Variants in SLC13A2 observed in about 807,000 individuals in gnomAD.
The protein encoded by SLC13A2 is Na(+)-coupled citrate transporter.
In SLC13A2, 40 loss-of-function variants were observed where a neutral mutation model predicts 58.5. That is an observed-to-expected ratio of 0.68 (90% CI 0.53 to 0.89). The LOEUF (loss-of-function observed/expected upper bound fraction) is 0.89, where lower values mean the gene tolerates loss of function less well. Among genes scored for constraint, SLC13A2 ranks in the 40% least tolerant of loss-of-function variants. SLC13A2 has a pLI of 0.00. For synonymous variants in SLC13A2, 341 were observed against 331.6 expected (o/e 1.03, Z -0.31); for missense variants, 694 against 772.6 (o/e 0.90, Z 1.21).
Position 28,494,573 on chromosome 17 carries a change from G to C in SLC13A2, c.1308+61G>C. 1 of 1,605,704 alleles carries C rather than the reference G, an allele frequency of 6.2e-7. No individual in the cohort carries two copies. Among genetic ancestry groups the C allele is most frequent in the Non-Finnish European group, 8.5e-7 (1 of 1,175,768 alleles). On this transcript the variant is annotated intron_variant, in intron 9 of 11. Transcript: ENST00000314669. The surrounding 1 kb of genome is among the most constrained non-coding windows in gnomAD (Gnocchi z 4.0). The stretch of plus-strand genomic sequence containing the variant: ...AGGGTGTCTCTGTGGCAGGGAGAGA[G>C]GGGGCCCTGCTTCTGTCCCACAGAG...
intron 4 of SLC13A2, 104 bp from the exon 5 acceptor site, chr17:28,491,332 TG>T: frequency 7.9e-7 from 1 of 1,261,228 alleles, no homozygotes; most frequent in Non-Finnish European, 1.1e-6. Context: ...AGCCCCGGTC[TG>T]GGCTGTTCAC....
chr17:28,489,671 C>T (rs911164680), intron 2 of SLC13A2, among the ~76,000 whole-genome samples: 19 of 152,218 alleles, frequency 1.2e-4, no homozygotes, highest in Non-Finnish European at 1.5e-5. Context: ...ACTTGAACAG[C>T]ATCGGAGTCA....
At chr17:28,495,363 G>A (rs1430682478) in intron 9 of SLC13A2, among the ~76,000 whole-genome samples, 5 of 152,184 alleles carry the variant, frequency 3.3e-5, no homozygotes, top group Non-Finnish European at 7.4e-5. Flanking sequence ...AGGAAGGCAG[G>A]AGTCAGTGCG....
At position 28,489,295 on chromosome 17, in the gene SLC13A2, T is replaced by C; in HGVS notation, c.184T>C (p.Phe62Leu). The C allele has an allele frequency of 1.2e-6, 2 of 1,614,114 alleles. No homozygotes were observed. Among genetic ancestry groups the C allele is most frequent in the Admixed American group, 1.7e-5 (1 of 60,024 alleles). The change falls in exon 2 of 12, where the codon TTC becomes CTC. Residue 62 changes from phenylalanine to leucine, a missense_variant. Phe to Leu is a conservative substitution (Grantham distance 22). Coordinates refer to ENST00000314669, the MANE Select transcript of SLC13A2 (RefSeq NM_003984.4). ...CCTGCCCCTGGCCGTCACTGCCCTC[T>C]TCCCCTTAATCCTGTTCCCTATGAT... ...EALPLAVTAL[F>L]PLILFPMMGI... is the part of the protein sequence containing the mutation.
intron 1 of SLC13A2, 64 bp from the exon 2 acceptor site, chr17:28,489,150 G>A: frequency 1.3e-6 from 2 of 1,576,294 alleles, no homozygotes; most frequent in South Asian, 1.2e-5. Context: ...CTGACAGACA[G>A]GAGGTGGCAT....
At chr17:28,474,224 A>G (rs1159233729) in intron 1 of SLC13A2, among the ~76,000 whole-genome samples, 2 of 152,106 alleles carry the variant, frequency 1.3e-5, no homozygotes, top group Admixed American at 1.3e-4. Flanking sequence ...GAGGGTTGGA[A>G]GGAGAATAGG....
chr17:28,473,908 T>G, intron 1 of SLC13A2, 94 bp downstream of exon 1: 3 of 975,568 alleles, frequency 3.1e-6, no homozygotes, highest in East Asian at 2.6e-5. Flanking sequence ...CCAGCATAAC[T>G]TCCTCACTGC....
At chr17:28,477,348 C>T (rs1448947452) in intron 1 of SLC13A2, among the ~76,000 whole-genome samples, 1 of 151,338 alleles carries the variant, frequency 6.6e-6, no homozygotes, top group Non-Finnish European at 1.5e-5. Flanking sequence ...CACCTGCCAC[C>T]ACGCCCGGCT....
At chr17:28,495,019 G>A (rs1327482337) in intron 9 of SLC13A2, among the ~76,000 whole-genome samples, 1 of 152,184 alleles carries the variant, frequency 6.6e-6, no homozygotes, top group Non-Finnish European at 1.5e-5. Flanking sequence ...ACAGAAGGTG[G>A]CTGCCCAGGT....
At chr17:28,486,177 AC>A (rs1455000792) in intron 1 of SLC13A2, among the ~76,000 whole-genome samples, 3 of 152,218 alleles carry the variant, frequency 2.0e-5, no homozygotes, top group Admixed American at 2.0e-4. Flanking sequence ...TGGTATAATA[AC>A]TACCAAAATT....
At position 28,491,618 on chromosome 17, in the gene SLC13A2, G is replaced by A. The variant is rs200873667; in HGVS notation, c.755+1G>A. On this transcript the variant is annotated splice_donor_variant, in intron 5 of 11. Coordinates refer to ENST00000314669, the MANE Select transcript of SLC13A2 (RefSeq NM_003984.4). LOFTEE classifies it high-confidence loss of function. ...TGGTGCTGCAAGGCCAGATCAACTC[G>A]TGAGTGACAAGGGGTGGGCCACCTT... 6.4e-5 allele frequency: 103 copies of A among 1,612,044 alleles called. No individual in the cohort carries two copies. The highest frequency in any genetic ancestry group is 1.6e-4 in the Middle Eastern group (1 of 6,080).
At chr17:28,477,490 G>A (rs141278813) in intron 1 of SLC13A2, among the ~76,000 whole-genome samples, 11 of 150,934 alleles carry the variant, frequency 7.3e-5, no homozygotes, top group South Asian at 6.4e-4. Context: ...CACCATGCCC[G>A]GCCACCCCCA....
chr17:28,497,303 C>A lies in SLC13A2; in HGVS notation c.*34C>A. ...ACAGCCTGGCCATGCCCAGGAAGAC[C>A]CACCCCATTCCCACTCCTCTGAGCC... On this transcript the variant is annotated 3_prime_UTR_variant, in exon 12 of 12. Transcript: ENST00000314669. 1 of 1,587,806 alleles carries A rather than the reference C, an allele frequency of 6.3e-7. No individual in the cohort carries two copies. Among genetic ancestry groups the A allele is most frequent in the Non-Finnish European group, 8.6e-7 (1 of 1,164,358 alleles).
intron 10 of SLC13A2, 24 bp downstream of exon 10, chr17:28,495,840 TCCTCCAGGCAGCC>T (rs782628104): frequency 3.1e-6 from 5 of 1,603,768 alleles, no homozygotes; most frequent in Middle Eastern, 3.3e-4. Context: ...CAGAAACACC[TCCTCCAGGCAGCC>T]CGCCTGCCTG....
intron 6 of SLC13A2, among the ~76,000 whole-genome samples, chr17:28,492,631 C>A (rs186091798): frequency 6.6e-6 from 1 of 152,218 alleles, no homozygotes; most frequent in Admixed American, 6.5e-5. Context: ...CTCTTGTGTG[C>A]CACCTAATGA....
rs2069005256 is a variant in SLC13A2 at position 28,490,906 on chromosome 17, G to C, written c.574G>C (p.Asp192His). Residue 192 changes from aspartate to histidine, a missense_variant and splice_region_variant, in exon 4 of 12, where the codon GAT (aspartate) becomes CAT (histidine). Physicochemically the swap from Asp to His is moderately conservative, Grantham distance 81 (BLOSUM62 -1). Transcript: ENST00000314669. ...PSPQKEVTKL[D>H]NGQALPVTSA... Reference sequence around the variant, plus strand: ...TCCCCAGAAGGAGGTGACCAAGCTTGGTGAGAAAAATGAGGCTAGACTCTG... The same window carrying C: ...TCCCCAGAAGGAGGTGACCAAGCTTCGTGAGAAAAATGAGGCTAGACTCTG... The C allele has an allele frequency of 1.9e-6, 3 of 1,612,108 alleles. No homozygotes were observed. The highest frequency in any genetic ancestry group is 2.5e-6 in the Non-Finnish European group (3 of 1,179,108).
chr17:28,477,399 T>C (rs2068701270), intron 1 of SLC13A2, among the ~76,000 whole-genome samples: 2 of 151,826 alleles, frequency 1.3e-5, no homozygotes, highest in Non-Finnish European at 2.9e-5. Context: ...TTTCACCGTG[T>C]TAGCCAGGAT....
chr17:28,487,859 G>T (rs1468167700), intron 1 of SLC13A2, among the ~76,000 whole-genome samples: 1 of 152,192 alleles, frequency 6.6e-6, no homozygotes, highest in Non-Finnish European at 1.5e-5. Flanking sequence ...ATTTGGTGGG[G>T]CTATGTGCAG....
At chr17:28,482,792 A>T (rs1597874915) in intron 1 of SLC13A2, among the ~76,000 whole-genome samples, 1 of 151,252 alleles carries the variant, frequency 6.6e-6, no homozygotes, top group Non-Finnish European at 1.5e-5. Flanking sequence ...ACTCCTACTC[A>T]CCCCTCAGTA....
Sources: gnomAD v4.1 joint callset for allele counts (sites outside exome capture counted in the v4.1 genomes callset) on GRCh38, gnomAD v4.1.1 for gene constraint, Gnocchi (gnomAD v3.1) non-coding constraint, MANE v1.5 for transcripts, NCBI Gene and HGNC (gene_info 2026-07-23, HGNC 2026-07-21) for gene names.